Variants in APAF1 observed in about 807,000 individuals in gnomAD.
The protein encoded by APAF1 is apoptotic peptidase activating factor 1.
A neutral mutation model predicts 152.4 loss-of-function variants in APAF1; 91 were observed. The ratio of observed to expected loss-of-function variants is 0.60; its 90% confidence interval spans 0.50 to 0.71. The LOEUF (loss-of-function observed/expected upper bound fraction) is 0.71, where lower values mean the gene tolerates loss of function less well. Among genes scored for constraint, APAF1 ranks in the 30% least tolerant of loss-of-function variants. The pLI is 0.00. For synonymous variants in APAF1, 484 were observed against 494.1 expected, an observed-to-expected ratio of 0.98 and a Z score of 0.27; for missense variants, 1,283 against 1,472.0, an observed-to-expected ratio of 0.87 and a Z score of 2.10.
chr12:98,649,535 T>C lies in APAF1; in HGVS notation c.377T>C (p.Phe126Ser), dbSNP rs1842644887. 2 of 1,614,114 alleles carry C rather than the reference T, an allele frequency of 1.2e-6. No homozygotes were observed. Among genetic ancestry groups the C allele is most frequent in the Admixed American group, 3.3e-5 (2 of 60,012 alleles). ...EGGVPQRPVV[F>S]VTRKKLVNAI... Reference sequence around the variant, plus strand: ...GGAGTACCACAGAGGCCAGTTGTTTTTGTCACAAGGAAGAAGCTGGTGAAT... The same window carrying C: ...GGAGTACCACAGAGGCCAGTTGTTTCTGTCACAAGGAAGAAGCTGGTGAAT... Residue 126 changes from phenylalanine to serine, a missense_variant, in exon 4 of 27, where the codon TTT becomes TCT. By Grantham distance (155) the Phe-to-Ser change is radical (BLOSUM62 -2). Transcript: ENST00000551964.
In APAF1 at chr12:98,674,141, A is replaced by C. The variant is rs374193816; in HGVS notation, c.1793+2422A>C. ...CTCCTGAGTAGCTGAGACTACAGGCACATATTACCATGCCTAATTTTTTAT... is the reference window on the plus strand; with the variant it reads ...CTCCTGAGTAGCTGAGACTACAGGCCCATATTACCATGCCTAATTTTTTAT... On this transcript the variant is annotated intron_variant, in intron 12 of 26. Transcript: ENST00000551964. 6.5e-4 allele frequency among the ~76,000 whole-genome samples: 99 copies of C among 152,206 alleles called. No homozygotes were observed. The South Asian group carries it at 0.02, about 31-fold the overall frequency.
intron 21 of APAF1, among the ~76,000 whole-genome samples, chr12:98,713,060 C>T (rs1479284861): frequency 1.3e-5 from 2 of 152,204 alleles, no homozygotes; most frequent in Non-Finnish European, 2.9e-5. Flanking sequence ...CTCAAGTGAT[C>T]TACCCATCTT....
rs199829267 is a variant in APAF1, at chr12:98,723,619, G to GTT, written c.3205-5_3205-4dup. ...TTCTTAAAAGTGTCAACCTCCAAGT[G>GTT]TTTTTTTTTTTTTTTTAAGGTATGG... On this transcript the variant is annotated intron_variant, in intron 23 of 26. Coordinates refer to ENST00000551964, the MANE Select transcript of APAF1 (RefSeq NM_181861.2). 18,211 of 1,349,384 alleles carry GTT rather than the reference G, an allele frequency of 0.013. 1 individual carries two copies. Among genetic ancestry groups the GTT allele is most frequent in the Non-Finnish European group, 0.015 (14,753 of 986,858 alleles). The allele number at this position is 1,349,384 out of a possible 1,614,324, so 83.6% of individuals were successfully genotyped here.
intron 16 of APAF1, among the ~76,000 whole-genome samples, chr12:98,690,222 A>T (rs1245007242): frequency 6.6e-6 from 1 of 152,206 alleles, no homozygotes; most frequent in Non-Finnish European, 1.5e-5. Flanking sequence ...GTTTTTGTAT[A>T]AATTACTCCA....
chr12:98,713,694 C>T (rs986978110), intron 21 of APAF1, among the ~76,000 whole-genome samples: 6 of 152,038 alleles, frequency 3.9e-5, no homozygotes, highest in African/African-American at 1.2e-4. Context: ...ACCTTGGTTC[C>T]TTCTCTCACT....
At chr12:98,718,267 C>G (rs1274307315) in intron 22 of APAF1, among the ~76,000 whole-genome samples, 1 of 151,870 alleles carries the variant, frequency 6.6e-6, no homozygotes, top group Admixed American at 6.6e-5. Context: ...CAGTCTTGCT[C>G]TATTGCCTAG....
chr12:98,667,840 C>T (rs2097675273), intron 10 of APAF1, among the ~76,000 whole-genome samples, 196 bp downstream of exon 10: 1 of 129,666 alleles, frequency 7.7e-6, no homozygotes, highest in African/African-American at 2.9e-5. Context: ...GGCACAATCT[C>T]AGCTCATTAC....
intron 15 of APAF1, among the ~76,000 whole-genome samples, chr12:98,685,650 T>A (rs2097697260): frequency 1.3e-5 from 2 of 149,972 alleles, no homozygotes; most frequent in Admixed American, 1.3e-4. Context: ...CTCCTCCACT[T>A]TTTTGAATAG....
At chr12:98,693,800 T>C (rs920516678) in intron 16 of APAF1, among the ~76,000 whole-genome samples, 3 of 151,896 alleles carry the variant, frequency 2.0e-5, no homozygotes, top group Non-Finnish European at 2.9e-5. Flanking sequence ...CAGTTTTTTT[T>C]TTTTTTTTCG....
intron 4 of APAF1, among the ~76,000 whole-genome samples, chr12:98,654,985 A>T (rs1311579876): frequency 1.6e-5 from 2 of 123,812 alleles, no homozygotes; most frequent in East Asian, 4.5e-4. Context: ...GGCCTTCCGC[A>T]GTGTTTGTGT....
At chr12:98,667,765 A>T (rs1298698673) in intron 10 of APAF1, 121 bp downstream of exon 10, 917 of 321,740 alleles carry the variant, frequency 2.9e-3, no homozygotes, top group East Asian at 4.3e-3. Context: ...TTTCCATTTG[A>T]TTTTTTTTTT....
At chr12:98,722,521 CATAAAA>C (rs2097744440) in intron 22 of APAF1, among the ~76,000 whole-genome samples, 1 of 152,060 alleles carries the variant, frequency 6.6e-6, no homozygotes, top group African/African-American at 2.4e-5. Context: ...ATAGACATAG[CATAAAA>C]ATAAACTTCT....
At chr12:98,665,278 A>ATATATTTTT (rs1491316422) in intron 7 of APAF1, among the ~76,000 whole-genome samples, 61 of 65,988 alleles carry the variant, frequency 9.2e-4, no homozygotes, top group African/African-American at 3.3e-3. Context: ...ATATATATAT[A>ATATATTTTT]TTTTTTTTTT....
chr12:98,701,288 C>A (rs909045206), intron 17 of APAF1, among the ~76,000 whole-genome samples: 1 of 152,126 alleles, frequency 6.6e-6, no homozygotes, highest in Admixed American at 6.5e-5. Context: ...TGGTTTGTTT[C>A]CACCTTTTGG....
intron 5 of APAF1, among the ~76,000 whole-genome samples, chr12:98,660,205 G>A (rs750738247): frequency 5.9e-5 from 9 of 152,004 alleles, no homozygotes; most frequent in Non-Finnish European, 1.3e-4. Context: ...AATTAATCTG[G>A]TGTGGTGGTA....
chr12:98,683,391 C>T (rs996530716), intron 15 of APAF1, 117 bp downstream of exon 15: 2 of 1,023,402 alleles, frequency 2.0e-6, no homozygotes, highest in Non-Finnish European at 3.0e-6. Flanking sequence ...ATAGAAACTA[C>T]AATAATATAT....
chr12:98,732,165 CA>C (rs1440618035), intron 26 of APAF1, among the ~76,000 whole-genome samples: 1 of 152,146 alleles, frequency 6.6e-6, no homozygotes, highest in Admixed American at 6.5e-5. Context: ...AGCTCTCAAG[CA>C]GGCTGCATGT....
chr12:98,669,825 T>G (rs2097677809), intron 10 of APAF1, among the ~76,000 whole-genome samples: 1 of 151,892 alleles, frequency 6.6e-6, no homozygotes, highest in Admixed American at 6.6e-5. Context: ...TGGTTGAAAG[T>G]GTTCATTTCC....
In APAF1 at chr12:98,667,548, A is replaced by C. The variant is rs913728516; in HGVS notation, c.1398A>C (p.Arg466Ser). 1 of 1,614,064 alleles carries C rather than the reference A, an allele frequency of 6.2e-7. No individual in the cohort carries two copies. Among genetic ancestry groups the C allele is most frequent in the Non-Finnish European group, 8.5e-7 (1 of 1,179,998 alleles). The part of the protein sequence containing the change: ...LHKKIITQFQ[R>S]YHQPHTLSPD... ...AGAAGATAATCACTCAGTTTCAGAG[A>C]TATCACCAGCCGCATACTCTTTCAC... Residue 466 changes from arginine to serine, a missense_variant, in exon 10 of 27, where the codon AGA becomes AGC. By Grantham distance (110) the Arg-to-Ser change is moderately radical (BLOSUM62 -1). Coordinates refer to ENST00000551964, the MANE Select transcript of APAF1 (RefSeq NM_181861.2).
Sources: gnomAD v4.1 joint callset for allele counts (sites outside exome capture counted in the v4.1 genomes callset) on GRCh38, gnomAD v4.1.1 for gene constraint, MANE v1.5 for transcripts, NCBI Gene and HGNC (gene_info 2026-07-23, HGNC 2026-07-21) for gene names.